The following XRRA1 variants were observed in gnomAD, a reference collection of about 807,000 sequenced individuals.
XRRA1 encodes X-ray radiation resistance associated 1.
Under a neutral mutation model 80.2 loss-of-function variants are expected in XRRA1, and 69 were observed. That is an observed-to-expected ratio of 0.86 (90% CI 0.71 to 1.05). XRRA1 has a LOEUF of 1.05. Ranked by LOEUF, XRRA1 falls within the 50% of genes least tolerant of loss-of-function variation. The pLI, the probability that XRRA1 is intolerant of heterozygous loss-of-function variation, is 0.00. For missense variants in XRRA1, 967 were observed against 976.4 expected (o/e 0.99, Z 0.13); for synonymous variants, 348 against 389.9 (o/e 0.89, Z 1.27).
chr11:74,879,071 C>T (rs1214594686), intron 10 of XRRA1, among the ~76,000 whole-genome samples: 9 of 145,716 alleles, frequency 6.2e-5, no homozygotes, highest in East Asian at 2.0e-4. Flanking sequence ...GCCATTTTCA[C>T]GATATTGATT....
At chr11:74,943,670 C>A (rs74858450) in intron 2 of XRRA1, among the ~76,000 whole-genome samples, 3,714 of 152,016 alleles carry the variant, frequency 0.024, 164 homozygotes, top group African/African-American at 0.085. Flanking sequence ...GTTGCCAGAG[C>A]TTCACTTTTT....
rs1488750281 is a variant in XRRA1, at chr11:74,906,341, CT to C, written c.900del (p.Glu301SerfsTer27). The stretch of plus-strand genomic sequence containing the variant: ...TTGGACTGCAGCATGAATTGGGGCT[CT>C]TTATGGGGACTTCCCCTGCCTCCAT... The part of the protein sequence containing the change: ...DWNGGRGSPH[K>X]EPQFMLQSKP... On this transcript the variant is annotated frameshift_variant, in exon 10 of 19. Transcript: ENST00000684022. LOFTEE classifies it high-confidence loss of function. 1.2e-6 allele frequency: 2 copies of C among 1,614,024 alleles called. No homozygotes were observed. The highest frequency in any genetic ancestry group is 1.7e-6 in the Non-Finnish European group (2 of 1,179,892).
intron 10 of XRRA1, among the ~76,000 whole-genome samples, chr11:74,893,847 A>G (rs774860106): frequency 7.9e-5 from 12 of 152,262 alleles, no homozygotes; most frequent in Non-Finnish European, 8.8e-5. Context: ...CAACTTCTGA[A>G]AGAACTTAAA....
chr11:74,890,924 C>CA (rs567687777), intron 10 of XRRA1, among the ~76,000 whole-genome samples: 2,167 of 152,132 alleles, frequency 0.014, 24 homozygotes, highest in Non-Finnish European at 0.023. Context: ...GCTTACCAAC[C>CA]AAAAAACGTC....
intron 10 of XRRA1, among the ~76,000 whole-genome samples, chr11:74,874,233 C>CAAAAAAAA (rs367875228): frequency 2.1e-4 from 10 of 48,312 alleles, no homozygotes; most frequent in East Asian, 6.7e-4. Flanking sequence ...GACTCCGTCT[C>CAAAAAAAA]AAAAAAAAAA....
In XRRA1 at chr11:74,907,198, A is replaced by G; in HGVS notation, c.732T>C (p.Asp244=). Residue 244 remains aspartate (D), a synonymous_variant, in exon 9 of 19, where the codon GAT becomes GAC. Transcript: ENST00000684022. ...AACTGGGGTTGGAGAGTCTGTTGTC[A>G]TCCAGCATCAGTGTCTCCAGCGCTG... ...RFPALETLML[D]DNRLSNPSCF... is the part of the protein sequence containing the mutation. 6.2e-7 allele frequency: 1 copy of G among 1,613,958 alleles called. No homozygotes were observed. The highest frequency in any genetic ancestry group is 1.1e-5 in the South Asian group (1 of 91,078).
chr11:74,848,425 A>G lies in XRRA1; in HGVS notation c.1418T>C (p.Leu473Pro). Residue 473 changes from leucine to proline, a missense_variant, in exon 15 of 19, where the codon CTG becomes CCG. By Grantham distance (98) the Leu-to-Pro change is moderately conservative. Coordinates refer to ENST00000684022, the MANE Select transcript of XRRA1 (RefSeq NM_001378157.1). ...SEIPKVPKQP[L>P]VLHHPRMTTT... The stretch of plus-strand genomic sequence containing the variant: ...CGTCATGCGCGGGTGATGGAGCACC[A>G]GAGGCTGCTTCGGCACCTTTGGGAT... 1.9e-6 allele frequency: 3 copies of G among 1,612,800 alleles called. No homozygotes were observed. The highest frequency in any genetic ancestry group is 2.5e-6 in the Non-Finnish European group (3 of 1,178,924).
intron 12 of XRRA1, among the ~76,000 whole-genome samples, chr11:74,856,960 G>C (rs902313828): frequency 6.6e-6 from 1 of 152,100 alleles, no homozygotes; most frequent in African/African-American, 2.4e-5. Context: ...CCTACTGCTG[G>C]GAGAGGGGTA....
In XRRA1 at chr11:74,845,189, G is replaced by C; in HGVS notation, c.1811C>G (p.Pro604Arg). 1 of 1,614,036 alleles carries C rather than the reference G, an allele frequency of 6.2e-7. No homozygotes were observed. The highest frequency in any genetic ancestry group is 8.5e-7 in the Non-Finnish European group (1 of 1,179,902). ...EKDQKKPPTA[P>R]REVKGTRRKL... is the part of the protein sequence containing the mutation. ...CCTCCGAGTCCCTTTCACCTCTCTGGGTGCCGTTGGTGGTTTCTTTTGGTC... is the reference window on the plus strand; with the variant it reads ...CCTCCGAGTCCCTTTCACCTCTCTGCGTGCCGTTGGTGGTTTCTTTTGGTC... The change falls in exon 16 of 19, where the codon CCC becomes CGC. Residue 604 changes from proline (P) to arginine (R), a missense_variant. Coordinates refer to ENST00000684022, the MANE Select transcript of XRRA1 (RefSeq NM_001378157.1).
At chr11:74,921,117 T>C (rs1591431594) in intron 8 of XRRA1, 97 bp downstream of exon 8, 1 of 1,506,142 alleles carries the variant, frequency 6.6e-7, no homozygotes, top group East Asian at 2.3e-5. Flanking sequence ...TTTGAGCACT[T>C]ACAGCCTATC....
At chr11:74,919,962 C>A in intron 8 of XRRA1, 1 of 215,324 alleles carries the variant, frequency 4.6e-6, no homozygotes, top group Non-Finnish European at 9.1e-6. Flanking sequence ...TGGATGAGAA[C>A]TAATCACTGA....
chr11:74,919,710 G>GCC (rs1166778896), intron 8 of XRRA1: 1 of 501,096 alleles, frequency 2.0e-6, no homozygotes, highest in African/African-American at 2.0e-5. Context: ...CAAGAAGCAT[G>GCC]CCCCTTGAGC....
At chr11:74,923,807 T>G (rs899686994) in intron 7 of XRRA1, among the ~76,000 whole-genome samples, 1 of 152,218 alleles carries the variant, frequency 6.6e-6, no homozygotes. Context: ...GCTGACCTAC[T>G]GCTATTTTGT....
chr11:74,883,268 G>C (rs1398981931), intron 10 of XRRA1, among the ~76,000 whole-genome samples: 2 of 152,236 alleles, frequency 1.3e-5, no homozygotes, highest in African/African-American at 4.8e-5. Context: ...GGAGTGACCT[G>C]ATTTTCCAGG....
intron 10 of XRRA1, among the ~76,000 whole-genome samples, chr11:74,873,173 C>A (rs958824034): frequency 6.6e-5 from 10 of 152,162 alleles, no homozygotes; most frequent in African/African-American, 2.4e-4. Flanking sequence ...TAACCAGAGA[C>A]AATATCCCCT....
At chr11:74,890,091 A>G (rs2050236410) in intron 10 of XRRA1, among the ~76,000 whole-genome samples, 1 of 152,322 alleles carries the variant, frequency 6.6e-6, no homozygotes, top group East Asian at 1.9e-4. Context: ...AAATCAACAG[A>G]ATATACATTC....
intron 10 of XRRA1, among the ~76,000 whole-genome samples, chr11:74,894,938 A>C (rs1296996081): frequency 6.6e-6 from 1 of 152,256 alleles, no homozygotes; most frequent in African/African-American, 2.4e-5. Flanking sequence ...AATGCTTAAC[A>C]CTGACCGCAG....
chr11:74,873,655 C>T (rs1024824607), intron 10 of XRRA1, among the ~76,000 whole-genome samples: 1 of 152,128 alleles, frequency 6.6e-6, no homozygotes, highest in African/African-American at 2.4e-5. Flanking sequence ...GTTTTGTGCC[C>T]CAACTGAGGA....
chr11:74,860,087 T>TA (rs1235978149), intron 11 of XRRA1, among the ~76,000 whole-genome samples: 1 of 152,212 alleles, frequency 6.6e-6, no homozygotes, highest in Non-Finnish European at 1.5e-5. Flanking sequence ...AATTAATCAC[T>TA]ATGGAATCTT....
Sources: gnomAD v4.1 joint callset for allele counts (sites outside exome capture counted in the v4.1 genomes callset) on GRCh38, gnomAD v4.1.1 for gene constraint, MANE v1.5 for transcripts, NCBI Gene and HGNC (gene_info 2026-07-23, HGNC 2026-07-21) for gene names.